The following LYSMD4 variants were observed in gnomAD, a reference collection of about 807,000 sequenced individuals.
LYSMD4 encodes lysM and putative peptidoglycan-binding domain-containing protein 4.
LYSMD4 carries 9 observed loss-of-function variants against 6.1 expected under a neutral mutation model. That is an observed-to-expected ratio of 1.47 (90% CI 0.88 to 2.56). The LOEUF (loss-of-function observed/expected upper bound fraction) is 2.56. LYSMD4 is among the 30% of genes most tolerant of loss of function. LYSMD4 has a pLI of 0.00. For synonymous variants in LYSMD4, 143 were observed against 148.5 expected (o/e 0.96, Z 0.27); for missense variants, 384 against 373.5 (o/e 1.03, Z -0.23).
Position 99,731,734 on chromosome 15 carries a change from A to G in LYSMD4, c.266T>C (p.Leu89Pro). ...AQEDSLNKLA[L>P]QYGCKVADIK... ...GTGTCTTACTTTGCAGCCATACTGC[A>G]GCGCCAGCTTGTTGAGGCTGTCCTC... Residue 89 changes from leucine to proline, a missense_variant, in exon 2 of 3, where the codon CTG becomes CCG. Coordinates refer to ENST00000684762, the MANE Select transcript of LYSMD4 (RefSeq NM_001284417.2). 6.2e-7 allele frequency: 1 copy of G among 1,600,698 alleles called. No individual in the cohort carries two copies. The highest frequency in any genetic ancestry group is 1.1e-5 in the South Asian group (1 of 90,160).
chr15:99,716,641 A>G (rs1317055513), exon 1 of LYSMD4: 7 of 456,618 alleles, frequency 1.5e-5, no homozygotes, highest in Admixed American at 1.4e-4. Flanking sequence ...AGGGTCAAGG[A>G]AACCGTCCCA....
rs555909965 is a variant in LYSMD4, at chr15:99,733,296, C to T, written c.-9+49G>A. ...CCAGGTCGCCGTACCGCCATGAGCC[C>T]GCGCGGCTCCCTAGCCAGACCGCGG... On this transcript the variant is annotated intron_variant, in intron 1 of 2. Coordinates refer to ENST00000684762, the MANE Select transcript of LYSMD4 (RefSeq NM_001284417.2). The T allele has an allele frequency of 9.7e-4, 376 of 389,142 alleles. 1 individual carries two copies. Among genetic ancestry groups the T allele is most frequent in the African/African-American group, 1.3e-3 (62 of 48,256 alleles). The allele number at this position is 389,142 out of a possible 1,614,324, so 24.1% of individuals were successfully genotyped here. A position where few individuals can be genotyped will look rare whatever the true frequency, so the allele number is the denominator to read the frequency against.
chr15:99,727,933 G>C lies in LYSMD4; in HGVS notation c.*1190C>G, dbSNP rs2059308205. 1.3e-5 allele frequency: 2 copies of C among 152,364 alleles called. No homozygotes were observed. Among genetic ancestry groups the C allele is most frequent in the Admixed American group, 6.5e-5 (1 of 15,282 alleles). The allele number at this position is 152,364 out of a possible 1,614,324, so 9.4% of individuals were successfully genotyped here. A position where few individuals can be genotyped will look rare whatever the true frequency, so the allele number is the denominator to read the frequency against. On this transcript the variant is annotated 3_prime_UTR_variant, in exon 3 of 3. Coordinates refer to ENST00000684762, the MANE Select transcript of LYSMD4 (RefSeq NM_001284417.2). ...ACAGGGCAGCACCAACTCCCAAGTA[G>C]TAGCAGGCTCTGTCCCGCAGTCCCC...
At chr15:99,724,904 G>T (rs1301771159), downstream of LYSMD4, among the ~76,000 whole-genome samples, 2 of 152,160 alleles carry the variant, frequency 1.3e-5, no homozygotes, top group East Asian at 3.9e-4. Context: ...TCCTTCCAGG[G>T]GCAGTGGGGT....
upstream of LYSMD4, among the ~76,000 whole-genome samples, chr15:99,720,154 A>G (rs1197547442): frequency 6.6e-6 from 1 of 152,174 alleles, no homozygotes; most frequent in East Asian, 1.9e-4. Context: ...AAATTTATCA[A>G]TCTCATTGCT....
chr15:99,723,867 A>G (rs2059257024), downstream of LYSMD4, among the ~76,000 whole-genome samples: 1 of 144,176 alleles, frequency 6.9e-6, no homozygotes, highest in Admixed American at 6.7e-5. Context: ...CTATTGCTCC[A>G]AGACTTTCCG....
In LYSMD4 at chr15:99,728,935, A is replaced by T. The variant is rs1165439698; in HGVS notation, c.*188T>A. On this transcript the variant is annotated 3_prime_UTR_variant, in exon 3 of 3. Transcript: ENST00000684762. ...GGGGCCGAGGTCGCTGCTGTTTTAGATCCTGCCAGCTTAGACTGGGTAAGG... is the reference window on the plus strand; with the variant it reads ...GGGGCCGAGGTCGCTGCTGTTTTAGTTCCTGCCAGCTTAGACTGGGTAAGG... 3.8e-6 allele frequency: 3 copies of T among 781,876 alleles called. No individual in the cohort carries two copies. In the South Asian group the frequency reaches 5.2e-5, roughly 14 times the overall value. 48.4% of individuals were successfully genotyped at this position (781,876 alleles called of 1,614,324 possible). A position where few individuals can be genotyped will look rare whatever the true frequency, so the allele number is the denominator to read the frequency against.
chr15:99,725,685 G>A (rs2059273216), downstream of LYSMD4, among the ~76,000 whole-genome samples: 1 of 152,048 alleles, frequency 6.6e-6, no homozygotes, highest in Non-Finnish European at 1.5e-5. Flanking sequence ...TTCTTATTGT[G>A]AGGCCAGTAC....
chr15:99,722,963 G>A (rs954028397), downstream of LYSMD4, among the ~76,000 whole-genome samples: 5 of 152,030 alleles, frequency 3.3e-5, no homozygotes, highest in South Asian at 2.1e-4. Context: ...CCTGGGAGGC[G>A]GAGGTTGCAA....
At chr15:99,716,717 T>C (rs1034072477) in exon 1 of LYSMD4, 3 of 456,548 alleles carry the variant, frequency 6.6e-6, no homozygotes, top group Non-Finnish European at 8.8e-6. Context: ...CTGGAGCCCA[T>C]AGGAAGCAGT....
chr15:99,726,888 T>A (rs909922003), downstream of LYSMD4, among the ~76,000 whole-genome samples: 1 of 152,148 alleles, frequency 6.6e-6, no homozygotes, highest in African/African-American at 2.4e-5. Context: ...TACAGATCAA[T>A]CAGTGATCAA....
rs1267423988 is a variant in LYSMD4, at chr15:99,729,393, C to T, written c.621G>A (p.Thr207=). The T allele has an allele frequency of 3.1e-6, 5 of 1,614,116 alleles. No individual in the cohort carries two copies. The highest frequency in any genetic ancestry group is 1.7e-5 in the Admixed American group (1 of 60,014). The change falls in exon 3 of 3, where the codon ACG becomes ACA. Residue 207 remains threonine, a synonymous_variant. Transcript: ENST00000684762. ...HQPLLPAPPK[T]PMDGADCGIQ... ...TGCCACAATCTGCACCATCCATAGG[C>T]GTCTTCGGAGGTGCCGGGAGCAGTG...
In LYSMD4 at chr15:99,729,797, G is replaced by A. The variant is rs996528442; in HGVS notation, c.283-66C>T. 4 of 1,511,722 alleles carry A rather than the reference G, an allele frequency of 2.6e-6. No individual in the cohort carries two copies. The African/African-American group carries it at 5.6e-5, about 21-fold the overall frequency. 93.6% of individuals were successfully genotyped at this position (1,511,722 alleles called of 1,614,324 possible). On this transcript the variant is annotated intron_variant, in intron 2 of 2. Transcript: ENST00000684762. The stretch of plus-strand genomic sequence containing the variant: ...CTCCTTAAAAATAACTTTCCAAAAA[G>A]TGGCTCTTAATCTTTCTGGGTGATG...
At chr15:99,726,914 T>C (rs1200869759), downstream of LYSMD4, among the ~76,000 whole-genome samples, 2 of 152,204 alleles carry the variant, frequency 1.3e-5, no homozygotes, top group African/African-American at 4.8e-5. Flanking sequence ...CCTAGAGCAC[T>C]GGTCACCACT....
downstream of LYSMD4, among the ~76,000 whole-genome samples, chr15:99,726,486 C>T (rs534854924): frequency 6.6e-6 from 1 of 152,166 alleles, no homozygotes; most frequent in East Asian, 1.9e-4. Flanking sequence ...CATCTCCTCC[C>T]ACCCCTCCCC....
Position 99,729,663 on chromosome 15 carries a change from C to T in LYSMD4, c.351G>A (p.Lys117=), listed in dbSNP as rs781157007. 1 of 1,614,018 alleles carries T rather than the reference C, an allele frequency of 6.2e-7. No homozygotes were observed. The highest frequency in any genetic ancestry group is 1.1e-5 in the South Asian group (1 of 91,072). Residue 117 remains lysine (K), a synonymous_variant, in exon 3 of 3, where the codon AAG becomes AAA. Coordinates refer to ENST00000684762, the MANE Select transcript of LYSMD4 (RefSeq NM_001284417.2). ...GGATCCCATGGTTTCTCACTGGAAT[C>T]TTAACAGATTTCAAAGCATATAAGT... ...EQDLYALKSV[K]IPVRNHGILM...
rs896604298 is a variant in LYSMD4, at chr15:99,727,797, C to G, written c.*1326G>C. The G allele has an allele frequency of 6.6e-6, 1 of 152,270 alleles. No homozygotes were observed. Among genetic ancestry groups the G allele is most frequent in the African/African-American group, 2.4e-5 (1 of 41,470 alleles). 9.4% of individuals were successfully genotyped at this position (152,270 alleles called of 1,614,324 possible). ...ATACTTTTCTCCAGGCCTCATGAGTCAAAGGCCATCACTGTCCCTCCACCG... is the reference window on the plus strand; with the variant it reads ...ATACTTTTCTCCAGGCCTCATGAGTGAAAGGCCATCACTGTCCCTCCACCG... On this transcript the variant is annotated 3_prime_UTR_variant, in exon 3 of 3. Transcript: ENST00000684762.
chr15:99,730,805 A>G (rs768437441), intron 2 of LYSMD4, among the ~76,000 whole-genome samples: 81 of 152,324 alleles, frequency 5.3e-4, no homozygotes, highest in Non-Finnish European at 9.7e-4. Context: ...CAAGAAGCCT[A>G]CTCCATCTAT....
exon 1 of LYSMD4, chr15:99,716,874 G>C: frequency 2.8e-6 from 1 of 352,422 alleles, no homozygotes; most frequent in South Asian, 2.1e-5. Context: ...GCTATCATTA[G>C]ATTCTGGGTC....
Sources: allele counts gnomAD v4.1 joint callset (sites outside exome capture counted in the v4.1 genomes callset), GRCh38; gene constraint gnomAD v4.1.1; transcripts MANE v1.5; gene names NCBI Gene and HGNC (gene_info 2026-07-23, HGNC 2026-07-21).